The following DMD variants were observed in gnomAD, a reference collection of about 807,000 sequenced individuals.
DMD encodes dystrophin.
A neutral mutation model predicts 330.1 loss-of-function variants in DMD; 63 were observed. That is an observed-to-expected ratio of 0.19 (90% CI 0.16 to 0.24). The LOEUF is 0.24. Among genes scored for constraint, DMD ranks in the 10% least tolerant of loss-of-function variants. The pLI, the probability that DMD is intolerant of heterozygous loss-of-function variation, is 1.00. For synonymous variants in DMD, 1,223 were observed against 959.8 expected (o/e 1.27, Z -5.07); for missense variants, 3,344 against 2,684.1 (o/e 1.25, Z -5.43).
At chrX:32,174,858 G>A (rs899079881) in intron 44 of DMD, among the ~76,000 whole-genome samples, 1 of 111,084 alleles carries the variant, frequency 9.0e-6, no homozygotes, top group Non-Finnish European at 1.9e-5. Context: ...TGATGGTTTG[G>A]ATATACTTCC....
intron 62 of DMD, among the ~76,000 whole-genome samples, chrX:31,298,201 T>A (rs1047308146): frequency 7.2e-5 from 8 of 111,609 alleles, no homozygotes; most frequent in African/African-American, 2.6e-4. Flanking sequence ...CACTTCTGGG[T>A]TTGAGCTATG....
chrX:32,258,278 C>A (rs886476692), intron 43 of DMD, among the ~76,000 whole-genome samples: 6 of 111,530 alleles, frequency 5.4e-5, no homozygotes, highest in African/African-American at 2.0e-4. Flanking sequence ...GATACAGAAC[C>A]AGAAATACCA....
At chrX:31,329,313 G>T (rs2056965805) in intron 61 of DMD, among the ~76,000 whole-genome samples, 1 of 111,444 alleles carries the variant, frequency 9.0e-6, no homozygotes, top group African/African-American at 3.3e-5. Context: ...CGTACAAAGA[G>T]AACTGCATGT....
At chrX:33,129,325 C>CTTTGTTTTTTTT in intron 1 of DMD, among the ~76,000 whole-genome samples, 1 of 30,713 alleles carries the variant, frequency 3.3e-5, no homozygotes, top group Non-Finnish European at 5.2e-5. Flanking sequence ...TTAAGGTTTG[C>CTTTGTTTTTTTT]TTTTTTTTTT....
At chrX:32,936,052 TCA>T (rs200001073) in intron 2 of DMD, among the ~76,000 whole-genome samples, 1 of 111,304 alleles carries the variant, frequency 9.0e-6, no homozygotes, top group Admixed American at 9.5e-5. Flanking sequence ...TCTTAATATT[TCA>T]CACACACAAA....
At chrX:31,264,884 G>A (rs1312390549) in intron 62 of DMD, among the ~76,000 whole-genome samples, 1 of 112,603 alleles carries the variant, frequency 8.9e-6, no homozygotes, top group African/African-American at 3.2e-5. Context: ...CCTGCTGTCA[G>A]TGCTGGAATA....
intron 43 of DMD, among the ~76,000 whole-genome samples, chrX:32,238,243 G>A (rs2097195129): frequency 9.0e-6 from 1 of 111,679 alleles, no homozygotes; most frequent in Non-Finnish European, 1.9e-5. Flanking sequence ...GGCTTAGCAG[G>A]GTGGGACTGG....
At chrX:32,881,892 T>G (rs112212169) in intron 2 of DMD, among the ~76,000 whole-genome samples, 1,738 of 111,057 alleles carry the variant, frequency 0.016, 32 homozygotes, top group East Asian at 0.064. Flanking sequence ...AATCTAAAGG[T>G]AGGGAGCAAT....
chrX:32,153,176 T>C (rs2096813709), intron 44 of DMD, among the ~76,000 whole-genome samples: 1 of 112,404 alleles, frequency 8.9e-6, no homozygotes, highest in Admixed American at 9.5e-5. Flanking sequence ...AGTGTATTGC[T>C]ATACATTTTA....
chrX:31,376,462 A>T (rs1202698069), intron 60 of DMD, among the ~76,000 whole-genome samples: 1 of 111,899 alleles, frequency 8.9e-6, no homozygotes, highest in East Asian at 2.8e-4. Flanking sequence ...GGACCCATCA[A>T]GCTAAAGTAG....
At chrX:32,575,297 C>G (rs899822978) in intron 13 of DMD, among the ~76,000 whole-genome samples, 1 of 111,918 alleles carries the variant, frequency 8.9e-6, no homozygotes, top group Non-Finnish European at 1.9e-5. Flanking sequence ...AAACAGAAGG[C>G]AGTCAACATT....
chrX:32,432,142 C>T (rs943913357), intron 29 of DMD, among the ~76,000 whole-genome samples: 1 of 111,693 alleles, frequency 9.0e-6, no homozygotes, highest in East Asian at 2.8e-4. Flanking sequence ...TATTACTTTG[C>T]ACTCACAGTG....
chrX:33,279,973 T>TATCAAGTTCTTGATATCTAGATATAA (rs1204116687), intron 1 of DMD, among the ~76,000 whole-genome samples: 13 of 107,135 alleles, frequency 1.2e-4, no homozygotes, highest in African/African-American at 4.6e-4. Flanking sequence ...TCTAGATATA[T>TATCAAGTTCTTGATATCTAGATATAA]GGTTTGCCAA....
chrX:33,165,309 A>T (rs2048995915), intron 1 of DMD, among the ~76,000 whole-genome samples: 1 of 111,590 alleles, frequency 9.0e-6, no homozygotes, highest in South Asian at 3.7e-4. Flanking sequence ...GGGAAAAATG[A>T]CTTAAACTTC....
At chrX:32,479,912 A>T (rs1255328129) in intron 21 of DMD, among the ~76,000 whole-genome samples, 1 of 111,111 alleles carries the variant, frequency 9.0e-6, no homozygotes, top group African/African-American at 3.3e-5. Flanking sequence ...GACAAATTAG[A>T]TTGCATCAAA....
intron 49 of DMD, among the ~76,000 whole-genome samples, chrX:31,830,913 C>A (rs949270919): frequency 8.9e-6 from 1 of 112,044 alleles, no homozygotes; most frequent in South Asian, 3.7e-4. Flanking sequence ...CCTTTACCAA[C>A]GACGTGTCTA....
intron 62 of DMD, among the ~76,000 whole-genome samples, chrX:31,276,840 T>C (rs72625569): frequency 0.091 from 10,069 of 111,235 alleles, 464 homozygotes; most frequent in East Asian, 0.26. Flanking sequence ...ATTTCATTTA[T>C]ATAAAGGACA....
intron 47 of DMD, among the ~76,000 whole-genome samples, chrX:31,902,252 A>G (rs1315572982): frequency 9.0e-6 from 1 of 111,706 alleles, no homozygotes; most frequent in Non-Finnish European, 1.9e-5. Flanking sequence ...GACGGACAAC[A>G]TGATAAAATA....
At chrX:31,393,752 G>T (rs905080545) in intron 60 of DMD, among the ~76,000 whole-genome samples, 2 of 111,392 alleles carry the variant, frequency 1.8e-5, no homozygotes, top group African/African-American at 6.5e-5. Flanking sequence ...ACTACAAAAG[G>T]GAGTTGTTAG....
Sources: gnomAD v4.1 joint callset for allele counts (sites outside exome capture counted in the v4.1 genomes callset) on GRCh38, gnomAD v4.1.1 for gene constraint, MANE v1.5 for transcripts, NCBI Gene and HGNC (gene_info 2026-07-23, HGNC 2026-07-21) for gene names.